Variants in PDE7B observed in about 807,000 individuals in gnomAD.
PDE7B encodes 3',5'-cyclic-AMP phosphodiesterase 7B.
PDE7B carries 29 observed loss-of-function variants against 56.2 expected under a neutral mutation model. That is an observed-to-expected ratio of 0.52 (90% CI 0.38 to 0.70). PDE7B has a LOEUF of 0.70. Among genes scored for constraint, PDE7B ranks in the 30% least tolerant of loss-of-function variants. The pLI, the probability that PDE7B is intolerant of heterozygous loss-of-function variation, is 0.00. For synonymous variants in PDE7B, 197 were observed against 196.9 expected, an observed-to-expected ratio of 1.00 and a Z score of 0.00; for missense variants, 490 against 565.0, an observed-to-expected ratio of 0.87 and a Z score of 1.35.
chr6:135,921,077 C>T (rs62429906), intron 1 of PDE7B, among the ~76,000 whole-genome samples: 33,422 of 151,990 alleles, frequency 0.22, 4,893 homozygotes, highest in African/African-American at 0.42. Flanking sequence ...CGAGGAGGAT[C>T]GCCTATTAAA....
chr6:136,182,883 G>C (rs1487639319), intron 11 of PDE7B, among the ~76,000 whole-genome samples: 1 of 152,088 alleles, frequency 6.6e-6, no homozygotes, highest in African/African-American at 2.4e-5. Flanking sequence ...AAACCAGCCT[G>C]GCCAAATGGT....
At chr6:135,906,813 T>TTTTTTTTGTTTTTTTTTTTG (rs1776115997) in intron 1 of PDE7B, among the ~76,000 whole-genome samples, 2 of 109,294 alleles carry the variant, frequency 1.8e-5, no homozygotes, top group African/African-American at 1.0e-4. Flanking sequence ...GAGGTTTGTT[T>TTTTTTTTGTTTTTTTTTTTG]TTTTTTTTTT....
intron 1 of PDE7B, among the ~76,000 whole-genome samples, chr6:135,919,210 A>C (rs1190619958): frequency 2.0e-5 from 3 of 152,200 alleles, no homozygotes; most frequent in Non-Finnish European, 4.4e-5. Context: ...CACTTGTGCT[A>C]CCGAACGCCT....
chr6:136,003,519 T>C (rs1018380083), intron 2 of PDE7B, among the ~76,000 whole-genome samples: 11 of 151,978 alleles, frequency 7.2e-5, no homozygotes, highest in African/African-American at 2.7e-4. Context: ...ATAAAGGGGA[T>C]ATCACCACCG....
chr6:135,947,933 A>G (rs1278757315), intron 2 of PDE7B, among the ~76,000 whole-genome samples: 1 of 152,100 alleles, frequency 6.6e-6, no homozygotes, highest in Non-Finnish European at 1.5e-5. Context: ...TCTGGAAGAA[A>G]TGTATATTTG....
At chr6:136,135,110 G>C (rs1173281314) in intron 3 of PDE7B, among the ~76,000 whole-genome samples, 2 of 152,072 alleles carry the variant, frequency 1.3e-5, no homozygotes, top group Admixed American at 6.6e-5. Context: ...TCAAGAAGTC[G>C]TGAGTATTTT....
At chr6:136,157,565 G>C (rs1175410583) in intron 8 of PDE7B, among the ~76,000 whole-genome samples, 1 of 152,194 alleles carries the variant, frequency 6.6e-6, no homozygotes, top group Non-Finnish European at 1.5e-5. Flanking sequence ...GCAACAGAGG[G>C]AGACTCCGTC....
At chr6:135,867,371 G>A (rs938467671) in intron 1 of PDE7B, among the ~76,000 whole-genome samples, 1 of 152,118 alleles carries the variant, frequency 6.6e-6, no homozygotes, top group African/African-American at 2.4e-5. Flanking sequence ...GTTACTAAAT[G>A]TATGCTAAAA....
intron 1 of PDE7B, among the ~76,000 whole-genome samples, chr6:135,924,361 C>G (rs1396873176): frequency 1.3e-5 from 2 of 152,170 alleles, no homozygotes; most frequent in African/African-American, 4.8e-5. Context: ...ACATTCTGCT[C>G]CCTCTAGATT....
At chr6:135,854,898 A>G (rs1481504376) in intron 1 of PDE7B, among the ~76,000 whole-genome samples, 1 of 152,246 alleles carries the variant, frequency 6.6e-6, no homozygotes, top group African/African-American at 2.4e-5. Flanking sequence ...CAGTACAGAG[A>G]GTGAAATATG....
intron 2 of PDE7B, among the ~76,000 whole-genome samples, chr6:135,951,589 T>C (rs1363902755): frequency 2.0e-5 from 3 of 152,170 alleles, no homozygotes; most frequent in Non-Finnish European, 4.4e-5. Context: ...CAAGAAGAAA[T>C]TGCTGATCAG....
intron 1 of PDE7B, among the ~76,000 whole-genome samples, chr6:135,893,225 C>A (rs1281944984): frequency 2.4e-5 from 3 of 125,282 alleles, no homozygotes; most frequent in Non-Finnish European, 3.3e-5. Context: ...CCCCTCCCCC[C>A]ACCCCACAAC....
At chr6:136,161,047 C>T (rs1171089910) in intron 8 of PDE7B, among the ~76,000 whole-genome samples, 1 of 152,140 alleles carries the variant, frequency 6.6e-6, no homozygotes, top group African/African-American at 2.4e-5. Context: ...CACCCATGCT[C>T]TTCCTTCTGC....
At chr6:136,168,302 T>C (rs938895552) in intron 8 of PDE7B, among the ~76,000 whole-genome samples, 33 of 152,148 alleles carry the variant, frequency 2.2e-4, no homozygotes, top group African/African-American at 6.0e-4. Flanking sequence ...TCATAAAGCA[T>C]TGAACGTCAA....
At chr6:136,110,516 G>GTGTT (rs1777725948) in intron 3 of PDE7B, among the ~76,000 whole-genome samples, 1 of 152,152 alleles carries the variant, frequency 6.6e-6, no homozygotes, top group Non-Finnish European at 1.5e-5. Flanking sequence ...TAGTAGATGA[G>GTGTT]TGTTAGTTCA....
At chr6:136,023,012 T>C (rs1190661858) in intron 2 of PDE7B, among the ~76,000 whole-genome samples, 1 of 151,842 alleles carries the variant, frequency 6.6e-6, no homozygotes, top group African/African-American at 2.4e-5. Flanking sequence ...AAAAACCAGC[T>C]CACTCTTCCA....
At chr6:135,887,231 T>C (rs185412777) in intron 1 of PDE7B, among the ~76,000 whole-genome samples, 16 of 152,272 alleles carry the variant, frequency 1.1e-4, no homozygotes, top group Non-Finnish European at 1.9e-4. Flanking sequence ...TTCTTGCTGA[T>C]TTGTTTGAGT....
intron 2 of PDE7B, among the ~76,000 whole-genome samples, chr6:135,994,826 A>C (rs1775536595): frequency 6.6e-6 from 1 of 152,222 alleles, no homozygotes; most frequent in African/African-American, 2.4e-5. Flanking sequence ...GCATGTACTA[A>C]AGCTCTCATT....
intron 1 of PDE7B, among the ~76,000 whole-genome samples, chr6:135,871,683 G>A (rs1452569904): frequency 2.0e-5 from 3 of 152,124 alleles, no homozygotes; most frequent in African/African-American, 2.4e-5. Flanking sequence ...TGGCCTGAAG[G>A]AAGTCACTAA....
Sources: gnomAD v4.1 joint callset for allele counts (sites outside exome capture counted in the v4.1 genomes callset) on GRCh38, gnomAD v4.1.1 for gene constraint, MANE v1.5 for transcripts, NCBI Gene and HGNC (gene_info 2026-07-23, HGNC 2026-07-21) for gene names.